The following APP variants were observed in gnomAD, a reference collection of about 807,000 sequenced individuals.
APP encodes the protein amyloid-beta precursor protein.
In APP, 31 loss-of-function variants were observed where a neutral mutation model predicts 101.4. That is an observed-to-expected ratio of 0.31 (90% CI 0.23 to 0.41). The LOEUF (loss-of-function observed/expected upper bound fraction) is 0.41, where lower values mean the gene tolerates loss of function less well. APP is among the 10% of genes least tolerant of loss of function. The pLI is 1.00. For synonymous variants in APP, 366 were observed against 364.4 expected (o/e 1.00, Z -0.05); for missense variants, 839 against 1,003.7 (o/e 0.84, Z 2.22).
intron 15 of APP, among the ~76,000 whole-genome samples, chr21:25,901,296 T>A (rs10222113): frequency 0.044 from 3,679 of 84,512 alleles, 335 homozygotes; most frequent in African/African-American, 0.19. Flanking sequence ...AATCCTGTTT[T>A]AAAAAAAAAA....
At chr21:26,120,480 T>C (rs944736347) in intron 1 of APP, among the ~76,000 whole-genome samples, 7 of 152,210 alleles carry the variant, frequency 4.6e-5, no homozygotes, top group African/African-American at 9.6e-5. Flanking sequence ...TAATGTATTA[T>C]GTAAGGTAGG....
chr21:26,033,382 G>T (rs1219593362), intron 5 of APP, among the ~76,000 whole-genome samples: 3 of 152,204 alleles, frequency 2.0e-5, no homozygotes, highest in Non-Finnish European at 4.4e-5. Flanking sequence ...TGCCATGATT[G>T]TAAGTTTCCT....
chr21:25,955,673 T>C lies in APP; in HGVS notation c.1541A>G (p.His514Arg), dbSNP rs759171608. 6.2e-7 allele frequency: 1 copy of C among 1,614,202 alleles called. No individual in the cohort carries two copies. The highest frequency in any genetic ancestry group is 2.2e-5 in the East Asian group (1 of 44,888). ...TTTCTTGGGATCCACCATGCGCACA[T>C]GCTCGAAATGCTTTAGGGTGTGCTG... ...DRQHTLKHFE[H>R]VRMVDPKKAA... Residue 514 changes from histidine to arginine, a missense_variant, in exon 12 of 18, where the codon CAT becomes CGT. His to Arg is a conservative substitution (Grantham distance 29). Transcript: ENST00000346798.
At chr21:25,890,519 T>C (rs2146231611) in intron 17 of APP, among the ~76,000 whole-genome samples, 1 of 152,134 alleles carries the variant, frequency 6.6e-6, no homozygotes, top group Non-Finnish European at 1.5e-5. Context: ...GGCGGGTGGA[T>C]CACCTGAGGT....
At chr21:26,058,392 T>C in intron 3 of APP, among the ~76,000 whole-genome samples, 1 of 152,092 alleles carries the variant, frequency 6.6e-6, no homozygotes, top group African/African-American at 2.4e-5. Flanking sequence ...ATTGTCACCC[T>C]GAACAAAAAA....
intron 2 of APP, among the ~76,000 whole-genome samples, chr21:26,093,878 G>C (rs1309190198): frequency 1.3e-5 from 2 of 152,126 alleles, no homozygotes; most frequent in African/African-American, 4.8e-5. Flanking sequence ...CACTTTGGGA[G>C]GCCGAGGCGG....
intron 8 of APP, among the ~76,000 whole-genome samples, chr21:25,995,751 A>T (rs2043030187): frequency 6.6e-6 from 1 of 152,224 alleles, no homozygotes; most frequent in South Asian, 2.1e-4. Context: ...CAGCAAAAGA[A>T]ACGTTTATGT....
intron 10 of APP, among the ~76,000 whole-genome samples, chr21:25,975,504 T>C (rs987500514): frequency 2.0e-5 from 3 of 152,084 alleles, no homozygotes; most frequent in South Asian, 2.1e-4. Flanking sequence ...TGGATAAATA[T>C]ATGCACTCTT....
At chr21:26,075,697 T>G (rs150019306) in intron 3 of APP, among the ~76,000 whole-genome samples, 13 of 152,324 alleles carry the variant, frequency 8.5e-5, no homozygotes, top group African/African-American at 2.6e-4. Context: ...CCACATTGAA[T>G]GTACAGATAT....
At chr21:25,941,955 G>A (rs1209581068) in intron 13 of APP, 1 of 152,184 alleles carries the variant, frequency 6.6e-6, no homozygotes, top group Non-Finnish European at 1.5e-5. Flanking sequence ...GTCCTGCACT[G>A]AAAAATCTGG....
intron 13 of APP, 37 bp downstream of exon 13, chr21:25,954,553 A>G (rs199722927): frequency 1.9e-6 from 3 of 1,545,650 alleles, no homozygotes; most frequent in Non-Finnish European, 2.7e-6. Flanking sequence ...GGGAAAATAC[A>G]TGTCCATGTG....
chr21:26,076,367 T>C (rs962148053), intron 3 of APP, among the ~76,000 whole-genome samples: 2 of 151,278 alleles, frequency 1.3e-5, no homozygotes, highest in Non-Finnish European at 3.0e-5. Context: ...TTAAAAAGTT[T>C]ACAATTATTA....
At chr21:25,977,349 T>C (rs1055377709) in intron 9 of APP, among the ~76,000 whole-genome samples, 2 of 152,230 alleles carry the variant, frequency 1.3e-5, no homozygotes, top group African/African-American at 2.4e-5. Context: ...AAACAAAATA[T>C]TGGTTTGGTG....
intron 3 of APP, among the ~76,000 whole-genome samples, chr21:26,069,891 A>G (rs2046606748): frequency 6.6e-6 from 1 of 152,262 alleles, no homozygotes; most frequent in South Asian, 2.1e-4. Context: ...ATTTAACAAA[A>G]GAGTTAACAA....
intron 3 of APP, among the ~76,000 whole-genome samples, chr21:26,086,858 C>T (rs1430792463): frequency 1.3e-5 from 2 of 152,132 alleles, no homozygotes; most frequent in African/African-American, 4.8e-5. Flanking sequence ...CTGTAAAAAA[C>T]ACTGGACCAA....
At chr21:25,975,897 C>T (rs2042205589) in intron 10 of APP, 57 bp downstream of exon 10, 2 of 1,384,054 alleles carry the variant, frequency 1.4e-6, no homozygotes, top group African/African-American at 2.8e-5. Flanking sequence ...CCTGCAGACA[C>T]TCATTAAAAA....
chr21:26,007,224 A>G (rs2043569526), intron 6 of APP, among the ~76,000 whole-genome samples: 2 of 151,790 alleles, frequency 1.3e-5, no homozygotes, highest in South Asian at 4.2e-4. Flanking sequence ...GGGCAAATGT[A>G]AGACAAATAT....
In APP at chr21:26,053,311, G is replaced by T; in HGVS notation, c.393C>A (p.Asp131Glu). The T allele has an allele frequency of 6.2e-7, 1 of 1,613,756 alleles. No individual in the cohort carries two copies. Among genetic ancestry groups the T allele is most frequent in the Admixed American group, 1.7e-5 (1 of 60,028 alleles). The change falls in exon 4 of 18, where the codon GAC becomes GAA. Residue 131 changes from aspartate to glutamate, a missense_variant. Asp to Glu is a conservative substitution (Grantham distance 45). Transcript: ENST00000346798. ...TCTCCTGGTGTAAGAATTTGCACTT[G>T]TCAGGAACGAGAAGGGCATCACTTA... ...EFVSDALLVP[D>E]KCKFLHQERM...
intron 8 of APP, among the ~76,000 whole-genome samples, chr21:25,989,948 T>A (rs1386780549): frequency 7.3e-6 from 1 of 136,520 alleles, no homozygotes; most frequent in Non-Finnish European, 1.5e-5. Flanking sequence ...GTCTCTCCAT[T>A]TTCCTAATTT....
Sources: gnomAD v4.1 joint callset for allele counts (sites outside exome capture counted in the v4.1 genomes callset) on GRCh38, gnomAD v4.1.1 for gene constraint, MANE v1.5 for transcripts, NCBI Gene and HGNC (gene_info 2026-07-23, HGNC 2026-07-21) for gene names.